The following CADM2 variants were observed in gnomAD, a reference collection of about 807,000 sequenced individuals.
The protein encoded by CADM2 is cell adhesion molecule 2.
CADM2 carries 12 observed loss-of-function variants against 49.8 expected under a neutral mutation model. That is an observed-to-expected ratio of 0.24 (90% CI 0.15 to 0.39). The LOEUF (loss-of-function observed/expected upper bound fraction) is 0.39. CADM2 is among the 10% of genes least tolerant of loss of function. CADM2 has a pLI of 1.00. For synonymous variants in CADM2, 214 were observed against 175.4 expected, an observed-to-expected ratio of 1.22 and a Z score of -1.74; for missense variants, 378 against 492.3, an observed-to-expected ratio of 0.77 and a Z score of 2.20.
chr3:86,013,274 T>C (rs1731782965), intron 8 of CADM2: 23 of 1,520,282 alleles, frequency 1.5e-5, no homozygotes, highest in Non-Finnish European at 2.1e-5. Context: ...AAGAAGAGGG[T>C]GAAGGGCAAG....
At chr3:85,405,379 C>T (rs920862295) in intron 1 of CADM2, among the ~76,000 whole-genome samples, 1 of 152,102 alleles carries the variant, frequency 6.6e-6, no homozygotes, top group African/African-American at 2.4e-5. Context: ...CTTACCATAG[C>T]TATTATCCCC....
At chr3:85,240,358 T>A (rs2042503530) in intron 1 of CADM2, among the ~76,000 whole-genome samples, 1 of 151,530 alleles carries the variant, frequency 6.6e-6, no homozygotes, top group Non-Finnish European at 1.5e-5. Flanking sequence ...ATGAAAATTA[T>A]TTTTAAAGGT....
intron 1 of CADM2, among the ~76,000 whole-genome samples, chr3:85,262,326 C>A (rs2043030456): frequency 6.6e-6 from 1 of 152,036 alleles, no homozygotes; most frequent in Non-Finnish European, 1.5e-5. Flanking sequence ...TGGCATCCAG[C>A]TGTCTAGACT....
chr3:85,292,762 C>A (rs1051392034), intron 1 of CADM2, among the ~76,000 whole-genome samples: 1 of 152,116 alleles, frequency 6.6e-6, no homozygotes, highest in Non-Finnish European at 1.5e-5. Context: ...ACACAACATA[C>A]CAGAATCTCT....
intron 1 of CADM2, among the ~76,000 whole-genome samples, chr3:85,692,496 T>C (rs2066417361): frequency 6.6e-6 from 1 of 152,186 alleles, no homozygotes; most frequent in Non-Finnish European, 1.5e-5. Context: ...AAGAAAATAT[T>C]GGTAGTGAGC....
intron 1 of CADM2, among the ~76,000 whole-genome samples, chr3:85,428,503 G>A (rs1388376206): frequency 2.1e-5 from 3 of 142,632 alleles, no homozygotes; most frequent in African/African-American, 7.7e-5. Flanking sequence ...TCCCCTATGG[G>A]GATATGTATT....
At chr3:85,404,881 T>C (rs2035297666) in intron 1 of CADM2, among the ~76,000 whole-genome samples, 1 of 152,140 alleles carries the variant, frequency 6.6e-6, no homozygotes, top group South Asian at 2.1e-4. Context: ...GTGGGGAAAA[T>C]TGATTTGACC....
At chr3:86,019,834 T>G (rs933695591) in intron 8 of CADM2, among the ~76,000 whole-genome samples, 2 of 152,118 alleles carry the variant, frequency 1.3e-5, no homozygotes, top group Admixed American at 1.3e-4. Flanking sequence ...ACAGGGACAA[T>G]TTGACTTCCT....
intron 1 of CADM2, among the ~76,000 whole-genome samples, chr3:85,568,231 C>T (rs775726981): frequency 2.0e-5 from 3 of 152,086 alleles, no homozygotes; most frequent in Non-Finnish European, 2.9e-5. Context: ...AGACTACAGT[C>T]CAAATAATCA....
intron 1 of CADM2, among the ~76,000 whole-genome samples, chr3:85,112,922 CAT>C (rs2038513307): frequency 6.6e-6 from 1 of 151,518 alleles, no homozygotes; most frequent in South Asian, 2.1e-4. Flanking sequence ...GTACATTTAT[CAT>C]ATATTTTATA....
At chr3:85,329,465 G>A (rs2044852059) in intron 1 of CADM2, among the ~76,000 whole-genome samples, 1 of 152,006 alleles carries the variant, frequency 6.6e-6, no homozygotes, top group Admixed American at 6.6e-5. Flanking sequence ...AGCTACTTGA[G>A]AGGCTGAGGC....
intron 1 of CADM2, among the ~76,000 whole-genome samples, chr3:85,502,246 C>A (rs2040147871): frequency 6.6e-6 from 1 of 152,148 alleles, no homozygotes; most frequent in Non-Finnish European, 1.5e-5. Context: ...TTCCTTCTGA[C>A]CACTATCTCT....
At position 85,671,677 on chromosome 3, in the gene CADM2, C is replaced by T. The variant is rs1054257183; in HGVS notation, c.62-54845C>T. Among the ~76,000 whole-genome samples, 23 of 152,138 alleles carry T rather than the reference C, an allele frequency of 1.5e-4. 1 individual carries two copies. The highest frequency in any genetic ancestry group is 1.2e-4 in the Non-Finnish European group (8 of 68,026). The stretch of plus-strand genomic sequence containing the variant: ...GCTCTTAAAGACATGAAGCGACCCT[C>T]TTACACCAGGACCTTTGCACTTGTT... On this transcript the variant is annotated intron_variant, in intron 1 of 9. Coordinates refer to ENST00000383699, the MANE Select transcript of CADM2 (RefSeq NM_001167675.2).
intron 1 of CADM2, among the ~76,000 whole-genome samples, chr3:85,374,085 T>C (rs907210875): frequency 2.6e-5 from 4 of 152,174 alleles, no homozygotes; most frequent in Admixed American, 2.6e-4. Context: ...GTTTTTTTTT[T>C]CTATTGCATC....
chr3:85,373,547 T>G (rs1033229667), intron 1 of CADM2, among the ~76,000 whole-genome samples: 1 of 152,134 alleles, frequency 6.6e-6, no homozygotes, highest in Non-Finnish European at 1.5e-5. Context: ...ACAGCTCCAC[T>G]AGGCAGTGAC....
intron 1 of CADM2, among the ~76,000 whole-genome samples, chr3:85,676,814 TC>T (rs2065898774): frequency 6.6e-6 from 1 of 152,164 alleles, no homozygotes; most frequent in Non-Finnish European, 1.5e-5. Flanking sequence ...TTCTTTGTCA[TC>T]CTGTTCTTCC....
intron 1 of CADM2, among the ~76,000 whole-genome samples, chr3:85,609,679 T>A (rs1357380511): frequency 6.6e-6 from 1 of 152,082 alleles, no homozygotes; most frequent in Non-Finnish European, 1.5e-5. Context: ...AATGGGGAGA[T>A]CCATAATTCT....
chr3:85,236,382 C>T (rs1396468466), intron 1 of CADM2, among the ~76,000 whole-genome samples: 2 of 151,920 alleles, frequency 1.3e-5, no homozygotes, highest in African/African-American at 2.4e-5. Context: ...ACTAGCAATA[C>T]AAAATGAGAG....
At chr3:85,805,903 C>G (rs1366723074) in intron 3 of CADM2, among the ~76,000 whole-genome samples, 4 of 152,220 alleles carry the variant, frequency 2.6e-5, no homozygotes, top group African/African-American at 9.6e-5. Flanking sequence ...CATCTATAGC[C>G]TCACTCTTCT....
Sources: gnomAD v4.1 joint callset for allele counts (sites outside exome capture counted in the v4.1 genomes callset) on GRCh38, gnomAD v4.1.1 for gene constraint, MANE v1.5 for transcripts, NCBI Gene and HGNC (gene_info 2026-07-23, HGNC 2026-07-21) for gene names.